AKAP10: variants seen among roughly 807,000 people sequenced by gnomAD.
The protein encoded by AKAP10 is A-kinase anchoring protein 10.
In AKAP10, 24 loss-of-function variants were observed where a neutral mutation model predicts 80.8. That is an observed-to-expected ratio of 0.30 (90% CI 0.22 to 0.42). AKAP10 has a LOEUF of 0.42. AKAP10 is among the 10% of genes least tolerant of loss of function. AKAP10 has a pLI of 1.00. For missense variants in AKAP10, 661 were observed against 794.9 expected (o/e 0.83, Z 2.03); for synonymous variants, 291 against 277.7 (o/e 1.05, Z -0.48).
intron 4 of AKAP10, among the ~76,000 whole-genome samples, chr17:19,947,958 C>A (rs1409747594): frequency 6.7e-6 from 1 of 148,730 alleles, no homozygotes; most frequent in African/African-American, 2.5e-5. Context: ...GGGACAATGC[C>A]TCAAAGGACA....
At chr17:19,968,611 G>T (rs1473954664) in intron 1 of AKAP10, 150 bp from the exon 2 acceptor site, 1 of 589,278 alleles carries the variant, frequency 1.7e-6, no homozygotes. Flanking sequence ...GAGGGTAGTT[G>T]TCAGCAAAGG....
intron 14 of AKAP10, 44 bp downstream of exon 14, chr17:19,909,137 G>T: frequency 6.6e-7 from 1 of 1,519,114 alleles, no homozygotes; most frequent in South Asian, 1.2e-5. Context: ...TTTACACCTG[G>T]AAAATAATAC....
At chr17:19,947,217 C>T (rs569133263) in intron 5 of AKAP10, 190 bp downstream of exon 5, 2 of 560,786 alleles carry the variant, frequency 3.6e-6, no homozygotes, top group South Asian at 4.1e-5. Flanking sequence ...CAAAGACCCT[C>T]GCACCGAATG....
intron 3 of AKAP10, among the ~76,000 whole-genome samples, chr17:19,961,646 T>C (rs1047836453): frequency 6.6e-6 from 1 of 152,206 alleles, no homozygotes; most frequent in Non-Finnish European, 1.5e-5. Context: ...ACATGCAATT[T>C]TCTAAGTGCA....
intron 1 of AKAP10, among the ~76,000 whole-genome samples, chr17:19,974,668 C>T (rs1053344028): frequency 6.6e-6 from 1 of 151,874 alleles, no homozygotes; most frequent in African/African-American, 2.4e-5. Flanking sequence ...CCAGCTTCTA[C>T]TCTTACCACA....
intron 8 of AKAP10, among the ~76,000 whole-genome samples, chr17:19,938,365 T>G (rs180838486): frequency 1.2e-3 from 179 of 151,682 alleles, no homozygotes; most frequent in Middle Eastern, 6.8e-3. Context: ...GCCTCCTGAG[T>G]AGCTGGGATT....
intron 10 of AKAP10, among the ~76,000 whole-genome samples, chr17:19,928,802 A>G (rs1468767111): frequency 1.3e-5 from 2 of 152,040 alleles, no homozygotes; most frequent in Non-Finnish European, 2.9e-5. Flanking sequence ...CCCAGGAGAC[A>G]GAGGTTGCAG....
rs907592715 is a variant in AKAP10, at chr17:19,962,307, C to T, written c.319+533G>A. On this transcript the variant is annotated intron_variant, in intron 3 of 14. Coordinates refer to ENST00000225737, the MANE Select transcript of AKAP10 (RefSeq NM_007202.4). The stretch of plus-strand genomic sequence containing the variant: ...ACATACATACATATACACACACACA[C>T]ACACACACACACACACATACACACC... Among the ~76,000 whole-genome samples, 11 of 151,688 alleles carry T rather than the reference C, an allele frequency of 7.3e-5. 1 individual carries two copies. The highest frequency in any genetic ancestry group is 1.5e-4 in the Non-Finnish European group (10 of 67,970).
intron 11 of AKAP10, 98 bp from the exon 12 acceptor site, chr17:19,920,216 C>A: frequency 4.6e-6 from 4 of 863,818 alleles, no homozygotes; most frequent in South Asian, 1.6e-5. Flanking sequence ...ATCTAGAAAG[C>A]CAGAAACACA....
chr17:19,959,175 A>G (rs537888585), intron 3 of AKAP10, among the ~76,000 whole-genome samples: 4 of 152,274 alleles, frequency 2.6e-5, no homozygotes, highest in African/African-American at 9.6e-5. Context: ...ATTCTTAAGA[A>G]AAAAAACTTA....
intron 7 of AKAP10, 114 bp from the exon 8 acceptor site, chr17:19,939,963 TCTA>T: frequency 3.4e-6 from 4 of 1,160,064 alleles, no homozygotes; most frequent in Middle Eastern, 2.7e-4. Context: ...AACAAAAAGA[TCTA>T]CTTCTTCTGT....
intron 12 of AKAP10, among the ~76,000 whole-genome samples, chr17:19,910,626 C>A (rs146982175): frequency 8.3e-4 from 125 of 151,432 alleles, no homozygotes; most frequent in East Asian, 4.1e-3. Context: ...AAAACAAAAC[C>A]AAACCAAACC....
chr17:19,935,044 G>C lies in AKAP10; in HGVS notation c.1467+1242C>G, dbSNP rs190793207. Among the ~76,000 whole-genome samples the C allele has an allele frequency of 3.3e-3, 504 of 151,952 alleles. 3 individuals are homozygous for C. Among genetic ancestry groups the C allele is most frequent in the African/African-American group, 0.011 (477 of 41,524 alleles). ...CAATCAATCAATCAATCAATAAACA[G>C]AATTTCCGTTAGGCTGCTTGCCATT... On this transcript the variant is annotated intron_variant, in intron 9 of 14. Transcript: ENST00000225737.
In AKAP10 at chr17:19,920,855, CA is replaced by C. The variant is rs61148312; in HGVS notation, c.1752-738del. ...TGGGCAACAGAGCAAGACTCTATCTCAAAAAAAAAAAAAAAAAAAAAAAAAA... is the reference window on the plus strand; with the variant it reads ...TGGGCAACAGAGCAAGACTCTATCTCAAAAAAAAAAAAAAAAAAAAAAAAA... On this transcript the variant is annotated intron_variant, in intron 11 of 14. Coordinates refer to ENST00000225737, the MANE Select transcript of AKAP10 (RefSeq NM_007202.4). Among the ~76,000 whole-genome samples, 81 of 35,320 alleles carry C rather than the reference CA, an allele frequency of 2.3e-3. 5 individuals are homozygous for C. The East Asian group carries it at 0.15, about 67-fold the overall frequency. The allele number at this position is 35,320 out of a possible 152,430, so 23.2% of individuals were successfully genotyped here. A position where few individuals can be genotyped will look rare whatever the true frequency, so the allele number is the denominator to read the frequency against.
chr17:19,904,400 A>C lies in AKAP10; in HGVS notation c.*1827T>G, dbSNP rs1026457782. The C allele has an allele frequency of 2.0e-4, 30 of 152,248 alleles. No individual in the cohort carries two copies. Among genetic ancestry groups the C allele is most frequent in the Non-Finnish European group, 5.9e-5 (4 of 68,046 alleles). 9.4% of individuals were successfully genotyped at this position (152,248 alleles called of 1,614,324 possible). A position where few individuals can be genotyped will look rare whatever the true frequency, so the allele number is the denominator to read the frequency against. On this transcript the variant is annotated 3_prime_UTR_variant, in exon 15 of 15. Transcript: ENST00000225737. ...CAAAGAAATGATTAGAATTTATCTT[A>C]ACTGAAAGCACTAGTTTAAACAGCC...
In AKAP10 at chr17:19,969,425, T is replaced by C. The variant is rs185614291; in HGVS notation, c.89-964A>G. 1.2e-3 allele frequency among the ~76,000 whole-genome samples: 179 copies of C among 152,324 alleles called. 1 individual carries two copies. The highest frequency in any genetic ancestry group is 3.9e-3 in the African/African-American group (162 of 41,576). On this transcript the variant is annotated intron_variant, in intron 1 of 14. Transcript: ENST00000225737. ...TTACTACATAAAACAGTAAAAATTC[T>C]GCTGTAGATAAGCTAATATGACATC...
At chr17:19,933,268 C>T (rs1385305556) in intron 9 of AKAP10, among the ~76,000 whole-genome samples, 2 of 152,196 alleles carry the variant, frequency 1.3e-5, no homozygotes, top group Admixed American at 6.5e-5. Flanking sequence ...ATCCACCCGC[C>T]TCGATCTTCC....
chr17:19,941,429 T>C (rs1199752361), intron 6 of AKAP10, among the ~76,000 whole-genome samples: 2 of 152,236 alleles, frequency 1.3e-5, no homozygotes, highest in Non-Finnish European at 1.5e-5. Flanking sequence ...AACAAATCTA[T>C]GTGGATTTAG....
chr17:19,935,023 C>G (rs1332206726), intron 9 of AKAP10, among the ~76,000 whole-genome samples: 1 of 151,930 alleles, frequency 6.6e-6, no homozygotes, highest in Non-Finnish European at 1.5e-5. Flanking sequence ...ATCAATCAAT[C>G]AATCAATCAA....
Sources: allele counts gnomAD v4.1 joint callset (sites outside exome capture counted in the v4.1 genomes callset), GRCh38; gene constraint gnomAD v4.1.1; transcripts MANE v1.5; gene names NCBI Gene and HGNC (gene_info 2026-07-23, HGNC 2026-07-21).